The following MIS18A variants were observed in gnomAD, a reference collection of about 807,000 sequenced individuals.
The protein encoded by MIS18A is protein Mis18-alpha.
Under a neutral mutation model 25.0 loss-of-function variants are expected in MIS18A, and 14 were observed. The ratio of observed to expected loss-of-function variants is 0.56; its 90% CI spans 0.37 to 0.88. The LOEUF (loss-of-function observed/expected upper bound fraction) is 0.88, where lower values mean the gene tolerates loss of function less well. Ranked by LOEUF, MIS18A falls within the 40% of genes least tolerant of loss-of-function variation. MIS18A has a pLI of 0.00. For missense variants in MIS18A, 292 were observed against 290.8 expected (o/e 1.00, Z -0.03); for synonymous variants, 134 against 118.6 (o/e 1.13, Z -0.84).
chr21:32,180,126 T>C, the MIS18A span, among the ~76,000 whole-genome samples: 1 of 152,168 alleles, frequency 6.6e-6, no homozygotes, highest in Non-Finnish European at 1.5e-5. Flanking sequence ...GCAAAATGTA[T>C]TGGGGGGAAT....
the MIS18A span, among the ~76,000 whole-genome samples, chr21:32,190,412 T>C: frequency 2.6e-5 from 4 of 152,208 alleles, no homozygotes; most frequent in East Asian, 7.7e-4. Context: ...GTAGTGAGCA[T>C]TCCTGATAGA....
chr21:32,170,496 A>G, the MIS18A span, among the ~76,000 whole-genome samples: 3 of 152,128 alleles, frequency 2.0e-5, no homozygotes, highest in Non-Finnish European at 2.9e-5. Flanking sequence ...AACTAAATTG[A>G]AAATTTCAGT....
At chr21:32,247,604 G>T in the MIS18A span, among the ~76,000 whole-genome samples, 2 of 152,182 alleles carry the variant, frequency 1.3e-5, no homozygotes, top group Non-Finnish European at 2.9e-5. Context: ...TATGAAAGAG[G>T]TAATTAAGTT....
At chr21:32,265,116 C>T (rs1019668633), downstream of MIS18A, among the ~76,000 whole-genome samples, 27 of 152,184 alleles carry the variant, frequency 1.8e-4, no homozygotes, top group African/African-American at 4.8e-4. Flanking sequence ...TGCTGGGTCC[C>T]GTGTGGTTTG....
At chr21:32,206,429 C>T in the MIS18A span, among the ~76,000 whole-genome samples, 22,974 of 152,040 alleles carry the variant, frequency 0.15, 1,836 homozygotes, top group East Asian at 0.24. Context: ...ATTGGATTCT[C>T]CATTGCAAGT....
chr21:32,265,453 C>T (rs1410706532), downstream of MIS18A, among the ~76,000 whole-genome samples: 1 of 152,228 alleles, frequency 6.6e-6, no homozygotes, highest in Non-Finnish European at 1.5e-5. Flanking sequence ...TGGCCCCGGG[C>T]AATGGGGGAC....
chr21:32,194,964 T>C, the MIS18A span, among the ~76,000 whole-genome samples: 1 of 152,196 alleles, frequency 6.6e-6, no homozygotes, highest in Non-Finnish European at 1.5e-5. Flanking sequence ...CGGGTGATCC[T>C]GCGCTAAAAG....
At chr21:32,231,890 G>A in the MIS18A span, among the ~76,000 whole-genome samples, 32 of 152,110 alleles carry the variant, frequency 2.1e-4, no homozygotes, top group Non-Finnish European at 4.3e-4. Flanking sequence ...TCCAGCCTGG[G>A]CAAAGAGCAA....
At chr21:32,195,845 C>T in the MIS18A span, among the ~76,000 whole-genome samples, 8 of 151,932 alleles carry the variant, frequency 5.3e-5, no homozygotes, top group African/African-American at 9.7e-5. Context: ...CATGGTGAAG[C>T]CTTGTCTCTA....
At chr21:32,184,303 C>T in the MIS18A span, among the ~76,000 whole-genome samples, 1 of 152,190 alleles carries the variant, frequency 6.6e-6, no homozygotes, top group Non-Finnish European at 1.5e-5. Context: ...TCAGGAGAAG[C>T]AACAAACCAG....
downstream of MIS18A, among the ~76,000 whole-genome samples, chr21:32,267,845 T>C (rs545950021): frequency 1.3e-5 from 2 of 152,300 alleles, no homozygotes; most frequent in East Asian, 3.9e-4. Context: ...AGTCTGTTAG[T>C]GGGAGAGTAG....
chr21:32,246,906 G>A, the MIS18A span, among the ~76,000 whole-genome samples: 391 of 152,250 alleles, frequency 2.6e-3, 3 homozygotes, highest in Non-Finnish European at 2.2e-3. Context: ...TCTGAAGGGC[G>A]GAACTTTATT....
At chr21:32,271,026 T>C (rs2123464791) in intron 2 of MIS18A, among the ~76,000 whole-genome samples, 1 of 152,294 alleles carries the variant, frequency 6.6e-6, no homozygotes, top group Non-Finnish European at 1.5e-5. Context: ...CTGCTTGGCT[T>C]AATAAAAAAA....
At chr21:32,173,965 T>G in the MIS18A span, among the ~76,000 whole-genome samples, 11 of 53,740 alleles carry the variant, frequency 2.0e-4, no homozygotes, top group African/African-American at 1.2e-3. Context: ...GTTTTTTTTT[T>G]TTTTTTTTTT....
chr21:32,167,749 C>G, the MIS18A span, among the ~76,000 whole-genome samples: 1 of 152,092 alleles, frequency 6.6e-6, no homozygotes, highest in Non-Finnish European at 1.5e-5. Context: ...ATTACAAACT[C>G]TAAGCAAAGC....
the MIS18A span, among the ~76,000 whole-genome samples, chr21:32,208,624 A>G: frequency 1.3e-5 from 2 of 152,330 alleles, no homozygotes; most frequent in East Asian, 3.9e-4. Flanking sequence ...CAATATGAGA[A>G]TGGACTAATA....
downstream of MIS18A, among the ~76,000 whole-genome samples, chr21:32,263,368 G>A (rs1460348258): frequency 2.6e-5 from 4 of 152,198 alleles, no homozygotes; most frequent in Non-Finnish European, 5.9e-5. Context: ...GGCTGAGGCG[G>A]GCGGGTCACT....
the MIS18A span, among the ~76,000 whole-genome samples, chr21:32,231,029 G>A: frequency 6.6e-6 from 1 of 152,018 alleles, no homozygotes; most frequent in South Asian, 2.1e-4. Flanking sequence ...GAGGCCAGGA[G>A]TTCGAGACCA....
the MIS18A span, among the ~76,000 whole-genome samples, chr21:32,200,789 A>G: frequency 2.0e-5 from 3 of 152,130 alleles, no homozygotes; most frequent in South Asian, 2.1e-4. Context: ...CTATTCCTCA[A>G]CCATGCTCCT....
Sources: allele counts gnomAD v4.1 joint callset (sites outside exome capture counted in the v4.1 genomes callset), GRCh38; gene constraint gnomAD v4.1.1; transcripts MANE v1.5; gene names NCBI Gene and HGNC (gene_info 2026-07-23, HGNC 2026-07-21).